The following UTRN variants were observed in gnomAD, a reference collection of about 807,000 sequenced individuals.
The protein encoded by UTRN is dystrophin-related protein 1.
A neutral mutation model predicts 463.9 loss-of-function variants in UTRN; 283 were observed. That is an observed-to-expected ratio of 0.61 (90% confidence interval 0.55 to 0.67). The LOEUF (loss-of-function observed/expected upper bound fraction) is 0.67, where lower values mean the gene tolerates loss of function less well. Ranked by LOEUF, UTRN falls within the 30% of genes least tolerant of loss-of-function variation. UTRN has a pLI of 0.00. For missense variants in UTRN, 3,922 were observed against 4,084.3 expected, an observed-to-expected ratio of 0.96 and a Z score of 1.08; for synonymous variants, 1,442 against 1,431.5, an observed-to-expected ratio of 1.01 and a Z score of -0.17.
rs535123573 is a variant in UTRN, at chr6:144,540,574, C to T, written c.6519+1131C>T. The stretch of plus-strand genomic sequence containing the variant: ...CTGCTCAACATCTCTCCTTAAATGT[C>T]TAATAGGCACCTCAAACTAACATAC... On this transcript the variant is annotated intron_variant, in intron 45 of 74. Transcript: ENST00000367545. Among the ~76,000 whole-genome samples the T allele has an allele frequency of 1.5e-4, 23 of 152,322 alleles. No homozygotes were observed. The South Asian group carries it at 2.5e-3, about 16-fold the overall frequency.
chr6:144,347,850 G>GTTTTTTTTTTTTTTTTTTTTT (rs1340536493), intron 2 of UTRN, among the ~76,000 whole-genome samples: 1 of 128,600 alleles, frequency 7.8e-6, no homozygotes, highest in African/African-American at 3.4e-5. Flanking sequence ...TTTTTTTTTT[G>GTTTTTTTTTTTTTTTTTTTTT]TTTTTTTTTT....
At chr6:144,629,735 C>G (rs1776315742) in intron 51 of UTRN, among the ~76,000 whole-genome samples, 1 of 152,230 alleles carries the variant, frequency 6.6e-6, no homozygotes, top group East Asian at 1.9e-4. Context: ...AACTTTGCTT[C>G]TGCTTTAGCC....
At chr6:144,347,837 G>GTTGTTTTTTTTTTTTTT (rs1777718717) in intron 2 of UTRN, among the ~76,000 whole-genome samples, 1 of 128,902 alleles carries the variant, frequency 7.8e-6, no homozygotes, top group African/African-American at 3.4e-5. Flanking sequence ...CTTATTCTTT[G>GTTGTTTTTTTTTTTTTT]TTTTTTTTTT....
chr6:144,591,965 CTAGAGTG>C (rs1198344571), intron 51 of UTRN, among the ~76,000 whole-genome samples: 19 of 152,060 alleles, frequency 1.2e-4, no homozygotes, highest in African/African-American at 4.4e-4. Flanking sequence ...TTTTAAAAGT[CTAGAGTG>C]TAGCTGCACC....
chr6:144,568,288 A>G lies in UTRN; in HGVS notation c.7290-8811A>G, dbSNP rs144444661. Among the ~76,000 whole-genome samples, 661 of 152,230 alleles carry G rather than the reference A, an allele frequency of 4.3e-3. 3 individuals carry two copies. Among genetic ancestry groups the G allele is most frequent in the Non-Finnish European group, 7.5e-3 (508 of 68,012 alleles). On this transcript the variant is annotated intron_variant, in intron 50 of 74. Coordinates refer to ENST00000367545, the MANE Select transcript of UTRN (RefSeq NM_007124.3). ...CTAATGTTACCCTTCTAAACTTAAAATGTTGTATCTTTAGGTTTTTAGTCT... is the reference window on the plus strand; with the variant it reads ...CTAATGTTACCCTTCTAAACTTAAAGTGTTGTATCTTTAGGTTTTTAGTCT...
intron 34 of UTRN, 39 bp from the exon 35 acceptor site, chr6:144,510,905 C>T: frequency 6.8e-7 from 1 of 1,465,696 alleles, no homozygotes; most frequent in Non-Finnish European, 9.1e-7. Flanking sequence ...TTATAATATT[C>T]TGAAGCATCA....
At position 144,782,008 on chromosome 6, in the gene UTRN, G is replaced by A; in HGVS notation, c.8719G>A (p.Val2907Ile). Residue 2907 changes from valine (V) to isoleucine (I), a missense_variant, in exon 61 of 75, where the codon GTC becomes ATC. By Grantham distance (29) the Val-to-Ile change is conservative. Coordinates refer to ENST00000367545, the MANE Select transcript of UTRN (RefSeq NM_007124.3). ...QNDQLLSVPD[V>I]INCLTTTYDG... ...TGACCAGCTCCTCAGTGTTCCAGAT[G>A]TCATCAACTGTCTGACAACAACTTA... 6.2e-7 allele frequency: 1 copy of A among 1,613,992 alleles called. No individual in the cohort carries two copies. The highest frequency in any genetic ancestry group is 8.5e-7 in the Non-Finnish European group (1 of 1,179,966).
intron 51 of UTRN, among the ~76,000 whole-genome samples, chr6:144,663,035 A>G (rs1371986520): frequency 1.3e-5 from 2 of 152,206 alleles, no homozygotes; most frequent in African/African-American, 4.8e-5. Flanking sequence ...AATTTCTTAC[A>G]TTGGGTACTG....
intron 51 of UTRN, among the ~76,000 whole-genome samples, chr6:144,660,822 T>C (rs1362788088): frequency 6.6e-6 from 1 of 152,212 alleles, no homozygotes; most frequent in African/African-American, 2.4e-5. Context: ...GTTTTAAACA[T>C]GGAGTGCTTG....
chr6:144,801,089 A>G (rs1256368140), intron 64 of UTRN, among the ~76,000 whole-genome samples: 4 of 152,198 alleles, frequency 2.6e-5, no homozygotes, highest in African/African-American at 9.6e-5. Context: ...AACTTAAAAT[A>G]TGTCAGGATA....
rs990725682 is a variant in UTRN, at chr6:144,744,332, G to A, written c.7940-3914G>A. 2.6e-4 allele frequency among the ~76,000 whole-genome samples: 27 copies of A among 105,652 alleles called. 1 individual carries two copies. Among genetic ancestry groups the A allele is most frequent in the African/African-American group, 9.1e-4 (26 of 28,434 alleles). The allele number at this position is 105,652 out of a possible 152,430, so 69.3% of individuals were successfully genotyped here. ...TATATATATATATATGTGTGTGTGT[G>A]TGTGTGTGTGTGTGTGTGTGTATAA... On this transcript the variant is annotated intron_variant, in intron 54 of 74. Coordinates refer to ENST00000367545, the MANE Select transcript of UTRN (RefSeq NM_007124.3).
At chr6:144,838,600 T>C (rs1781299596) in intron 71 of UTRN, among the ~76,000 whole-genome samples, 1 of 152,230 alleles carries the variant, frequency 6.6e-6, no homozygotes, top group Non-Finnish European at 1.5e-5. Context: ...ATTTTAGAAA[T>C]AGTCATTCTT....
intron 56 of UTRN, among the ~76,000 whole-genome samples, chr6:144,754,345 G>T (rs548202081): frequency 6.6e-6 from 1 of 152,120 alleles, no homozygotes; most frequent in Non-Finnish European, 1.5e-5. Context: ...ACCAGAATAC[G>T]AACAGGAGTG....
Position 144,442,459 on chromosome 6 carries a change from T to A in UTRN, c.1513-1822T>A, listed in dbSNP as rs542468505. On this transcript the variant is annotated intron_variant, in intron 13 of 74. Transcript: ENST00000367545. ...ACTCTACTGGTACCGATTTACTATA[T>A]TAGTCCATTTTCATGCTGCTGATAA... Among the ~76,000 whole-genome samples, 12 of 152,312 alleles carry A rather than the reference T, an allele frequency of 7.9e-5. No homozygotes were observed. The East Asian group carries it at 1.5e-3, about 20-fold the overall frequency.
chr6:144,374,000 T>C (rs900720010), intron 2 of UTRN, among the ~76,000 whole-genome samples: 1 of 152,234 alleles, frequency 6.6e-6, no homozygotes, highest in Admixed American at 6.5e-5. Flanking sequence ...TTACACTGCA[T>C]CTTCTTACTA....
At position 144,789,280 on chromosome 6, in the gene UTRN, G is replaced by T; in HGVS notation, c.8920+1G>T. ...GGTCTCTTGGAAGAAAAATACAGAT[G>T]TATGTAAGACCTTTCTTATACCAAC... On this transcript the variant is annotated splice_donor_variant, in intron 62 of 74. Transcript: ENST00000367545. LOFTEE classifies it high-confidence loss of function. 6.2e-7 allele frequency: 1 copy of T among 1,609,442 alleles called. No homozygotes were observed. Among genetic ancestry groups the T allele is most frequent in the Non-Finnish European group, 8.5e-7 (1 of 1,176,702 alleles).
intron 20 of UTRN, 55 bp downstream of exon 20, chr6:144,459,066 A>G: frequency 1.9e-6 from 3 of 1,566,762 alleles, no homozygotes; most frequent in Non-Finnish European, 2.6e-6. Flanking sequence ...TTCCAGAGTT[A>G]AGGAGGGCTT....
intron 64 of UTRN, among the ~76,000 whole-genome samples, chr6:144,799,844 C>T (rs192300223): frequency 6.6e-6 from 1 of 152,222 alleles, no homozygotes; most frequent in African/African-American, 2.4e-5. Flanking sequence ...AATCCAGAAC[C>T]CTTTGGTTTT....
At chr6:144,340,980 A>T (rs1286922639) in intron 2 of UTRN, among the ~76,000 whole-genome samples, 1 of 152,204 alleles carries the variant, frequency 6.6e-6, no homozygotes, top group Non-Finnish European at 1.5e-5. Flanking sequence ...TCCTACATAG[A>T]ATCTAGTTTG....
Sources: allele counts gnomAD v4.1 joint callset (sites outside exome capture counted in the v4.1 genomes callset), GRCh38; gene constraint gnomAD v4.1.1; transcripts MANE v1.5; gene names NCBI Gene and HGNC (gene_info 2026-07-23, HGNC 2026-07-21).